NOX4: variants seen among roughly 807,000 people sequenced by gnomAD.
NOX4 encodes the protein kidney oxidase-1.
A neutral mutation model predicts 87.6 loss-of-function variants in NOX4; 69 were observed. The ratio of observed to expected loss-of-function variants is 0.79; its 90% CI spans 0.65 to 0.96. NOX4 has a LOEUF of 0.96. Ranked by LOEUF, NOX4 falls within the 40% of genes least tolerant of loss-of-function variation. The probability of loss-of-function intolerance (pLI) is 0.00; values close to 1 mark genes in which losing one functional copy is unlikely to be tolerated. For synonymous variants in NOX4, 275 were observed against 238.2 expected (o/e 1.15, Z -1.42); for missense variants, 680 against 681.5 (o/e 1.00, Z 0.02).
At position 89,424,722 on chromosome 11, in the gene NOX4, C is replaced by T. The variant is rs139854614; in HGVS notation, c.549-2740G>A. Among the ~76,000 whole-genome samples, 574 of 152,024 alleles carry T rather than the reference C, an allele frequency of 3.8e-3. 3 individuals are homozygous for T. The highest frequency in any genetic ancestry group is 0.013 in the African/African-American group (544 of 41,500). ...AAAATTTATTCCTGTCATCTAATAA[C>T]GGGATACATTAATTATTTTAACAGA... On this transcript the variant is annotated intron_variant, in intron 7 of 17. Coordinates refer to ENST00000263317, the MANE Select transcript of NOX4 (RefSeq NM_016931.5).
intron 6 of NOX4, 24 bp downstream of exon 6, chr11:89,440,663 GA>G: frequency 2.0e-6 from 3 of 1,514,916 alleles, no homozygotes; most frequent in Non-Finnish European, 2.7e-6. Context: ...TAAACCTAAA[GA>G]AAAGGCTAAG....
intron 1 of NOX4, 58 bp from the exon 2 acceptor site, chr11:89,490,611 T>TTCATCAG: frequency 8.2e-7 from 1 of 1,224,074 alleles, no homozygotes; most frequent in Non-Finnish European, 1.2e-6. Flanking sequence ...TATTACCTGA[T>TTCATCAG]GAATAGAAAC....
chr11:89,482,240 T>C (rs1175338999), intron 2 of NOX4, among the ~76,000 whole-genome samples: 1 of 152,048 alleles, frequency 6.6e-6, no homozygotes, highest in Non-Finnish European at 1.5e-5. Context: ...ATGCTAGTGC[T>C]CAGCTGGGCT....
chr11:89,336,676 C>T (rs1483946637), intron 16 of NOX4, among the ~76,000 whole-genome samples: 3 of 151,862 alleles, frequency 2.0e-5, no homozygotes, highest in South Asian at 4.2e-4. Flanking sequence ...TGCTTCATAC[C>T]TTAATTATCG....
the NOX4 span, among the ~76,000 whole-genome samples, chr11:89,559,003 G>T: frequency 1.4e-4 from 21 of 152,036 alleles, no homozygotes; most frequent in African/African-American, 5.1e-4. Flanking sequence ...GTGCCTTTTG[G>T]CCATGCTTTA....
intron 15 of NOX4, among the ~76,000 whole-genome samples, chr11:89,339,320 G>T (rs1389588019): frequency 2.0e-5 from 3 of 152,054 alleles, no homozygotes; most frequent in African/African-American, 7.2e-5. Context: ...CCAAAAAATA[G>T]TCAAGACACA....
At position 89,371,754 on chromosome 11, in the gene NOX4, A is replaced by G. The variant is rs1323057393; in HGVS notation, c.1135+1678T>C. Among the ~76,000 whole-genome samples the G allele has an allele frequency of 2.0e-5, 3 of 151,796 alleles. No individual in the cohort carries two copies. In the East Asian group the frequency reaches 5.8e-4, roughly 29 times the overall value. ...ATTATTCATATGTTCATACTCCACC[A>G]GTGTATACCTATCAGAGGACGACCA... On this transcript the variant is annotated intron_variant, in intron 12 of 17. Transcript: ENST00000263317.
At chr11:89,560,996 C>CTA in the NOX4 span, among the ~76,000 whole-genome samples, 1,636 of 40,710 alleles carry the variant, frequency 0.04, 54 homozygotes, top group Middle Eastern at 0.089. Flanking sequence ...CTCTCTCTCT[C>CTA]TATATATATA....
At chr11:89,432,887 T>TCACAA in intron 6 of NOX4, 31 bp from the exon 7 acceptor site, 1 of 1,463,402 alleles carries the variant, frequency 6.8e-7, no homozygotes, top group African/African-American at 1.4e-5. Context: ...AGGTTTTTAC[T>TCACAA]TAAATCATAG....
the NOX4 span, among the ~76,000 whole-genome samples, chr11:89,563,515 T>C: frequency 6.6e-6 from 1 of 152,212 alleles, no homozygotes; most frequent in Admixed American, 6.5e-5. Flanking sequence ...CTCTCTGCTA[T>C]ATATTTTTGC....
chr11:89,413,673 C>T (rs775474228), intron 8 of NOX4, among the ~76,000 whole-genome samples: 6 of 151,548 alleles, frequency 4.0e-5, no homozygotes, highest in Non-Finnish European at 5.9e-5. Context: ...CCAGAGGCTG[C>T]GAATGAGAGG....
chr11:89,416,615 G>A (rs1306665169), intron 8 of NOX4, among the ~76,000 whole-genome samples: 1 of 152,064 alleles, frequency 6.6e-6, no homozygotes, highest in African/African-American at 2.4e-5. Context: ...TCTAACCCTG[G>A]TTAACATCTT....
intron 2 of NOX4, among the ~76,000 whole-genome samples, chr11:89,460,452 AACAAATTT>A (rs1945404744): frequency 6.6e-6 from 1 of 152,346 alleles, no homozygotes; most frequent in South Asian, 2.1e-4. Flanking sequence ...GATGAACTCA[AACAAATTT>A]ACAAGAAAAA....
intron 8 of NOX4, among the ~76,000 whole-genome samples, chr11:89,419,615 TATTA>T (rs540121708): frequency 1.4e-3 from 212 of 152,034 alleles, no homozygotes; most frequent in African/African-American, 4.8e-3. Context: ...AATAAATACA[TATTA>T]ATTTAGTTTA....
chr11:89,478,498 T>G (rs920978767), intron 2 of NOX4, among the ~76,000 whole-genome samples: 10 of 152,302 alleles, frequency 6.6e-5, no homozygotes, highest in African/African-American at 2.4e-4. Context: ...TTTTCACAAA[T>G]ATTACCATAG....
the NOX4 span, among the ~76,000 whole-genome samples, chr11:89,521,709 C>T: frequency 6.6e-6 from 1 of 152,028 alleles, no homozygotes; most frequent in Non-Finnish European, 1.5e-5. Flanking sequence ...AGAGTTTCTG[C>T]AAAGCGAAAG....
At chr11:89,397,025 G>C (rs1019206064) in intron 11 of NOX4, among the ~76,000 whole-genome samples, 1 of 152,080 alleles carries the variant, frequency 6.6e-6, no homozygotes, top group African/African-American at 2.4e-5. Context: ...ATTCTTCTCA[G>C]CACCACATTA....
intron 6 of NOX4, among the ~76,000 whole-genome samples, chr11:89,439,122 G>A (rs1452681089): frequency 2.1e-5 from 3 of 145,460 alleles, no homozygotes; most frequent in African/African-American, 7.6e-5. Flanking sequence ...AAATCTCTTT[G>A]TGTCTTTGTA....
the NOX4 span, among the ~76,000 whole-genome samples, chr11:89,574,737 A>C: frequency 6.6e-6 from 1 of 152,228 alleles, no homozygotes; most frequent in Admixed American, 6.5e-5. Context: ...CTTTACTCAG[A>C]TAGCCCCAAA....
Sources: gnomAD v4.1 joint callset for allele counts (sites outside exome capture counted in the v4.1 genomes callset) on GRCh38, gnomAD v4.1.1 for gene constraint, MANE v1.5 for transcripts, NCBI Gene and HGNC (gene_info 2026-07-23, HGNC 2026-07-21) for gene names.